The following FRMD1 variants were observed in gnomAD, a reference collection of about 807,000 sequenced individuals.
The protein encoded by FRMD1 is FERM domain containing 1, also known as FERM domain-containing protein 1.
Under a neutral mutation model 54.9 loss-of-function variants are expected in FRMD1, and 51 were observed. That is an observed-to-expected ratio of 0.93 (90% CI 0.74 to 1.17). The LOEUF (loss-of-function observed/expected upper bound fraction) is 1.17. FRMD1 is among the 50% of genes most tolerant of loss of function. The probability of loss-of-function intolerance (pLI) is 0.00; values close to 1 mark genes in which losing one functional copy is unlikely to be tolerated. For missense variants in FRMD1, 729 were observed against 743.0 expected (o/e 0.98, Z 0.22); for synonymous variants, 324 against 306.4 (o/e 1.06, Z -0.60).
intron 2 of FRMD1, among the ~76,000 whole-genome samples, chr6:168,071,660 C>T (rs2114997830): frequency 6.6e-6 from 1 of 152,350 alleles, no homozygotes. Flanking sequence ...AGAAAGGGGA[C>T]ATCATCAAGA....
chr6:168,088,037 C>T (rs534701281), intron 1 of FRMD1, among the ~76,000 whole-genome samples: 4 of 152,268 alleles, frequency 2.6e-5, no homozygotes, highest in Non-Finnish European at 4.4e-5. Context: ...GGACCCTGCC[C>T]CGAAAAGGCT....
intron 8 of FRMD1, 43 bp downstream of exon 8, chr6:168,061,764 C>T: frequency 6.6e-7 from 1 of 1,512,060 alleles, no homozygotes; most frequent in Non-Finnish European, 8.9e-7. Context: ...GCCCAGAAGG[C>T]ACAGTCCGGC....
At chr6:168,077,289 G>T (rs1475575221) in intron 1 of FRMD1, among the ~76,000 whole-genome samples, 1 of 151,486 alleles carries the variant, frequency 6.6e-6, no homozygotes, top group African/African-American at 2.4e-5. Flanking sequence ...GATGGGGGGG[G>T]GTTCTTGTCT....
chr6:168,086,037 C>T (rs978611090), upstream of FRMD1, among the ~76,000 whole-genome samples: 1 of 152,240 alleles, frequency 6.6e-6, no homozygotes, highest in African/African-American at 2.4e-5. Flanking sequence ...AGAGTGGCCC[C>T]GTACCTCCCT....
Position 168,059,174 on chromosome 6 carries a change from G to T in FRMD1, c.1357C>A (p.Pro453Thr). 3 of 1,586,174 alleles carry T rather than the reference G, an allele frequency of 1.9e-6. No homozygotes were observed. The highest frequency in any genetic ancestry group is 2.6e-6 in the Non-Finnish European group (3 of 1,169,820). ...RGDSQATRQEPCTQVRTRGQS... is the reference protein window; with the variant it reads ...RGDSQATRQETCTQVRTRGQS... ...CCTCTGGTCCTGACCTGGGTGCAGGGCTCCTGACGAGTGGCTGTGGGAGGA... is the reference window on the plus strand; with the variant it reads ...CCTCTGGTCCTGACCTGGGTGCAGGTCTCCTGACGAGTGGCTGTGGGAGGA... The change falls in exon 10 of 11, where the codon CCC (proline) becomes ACC (threonine). Residue 453 changes from proline (P) to threonine (T), a missense_variant. Coordinates refer to ENST00000283309, the MANE Select transcript of FRMD1 (RefSeq NM_024919.6). This position sits in a 1 kb window ranked among gnomAD's most constrained non-coding sequence, Gnocchi z 4.4.
At chr6:168,092,780 A>G (rs1801035468) in intron 1 of FRMD1, among the ~76,000 whole-genome samples, 2 of 152,198 alleles carry the variant, frequency 1.3e-5, no homozygotes, top group African/African-American at 4.8e-5. Flanking sequence ...CACTGTCCCA[A>G]TCCAGTCACC....
rs41266307 is a variant in FRMD1 at position 168,056,863 on chromosome 6, G to T, written c.*234C>A. On this transcript the variant is annotated 3_prime_UTR_variant, in exon 11 of 11. Transcript: ENST00000283309. ...TTGAACTGGCTCCCTGAGACCCTGA[G>T]GGAAAGAGCTCCCGGGTGTATGGCA... The T allele has an allele frequency of 9.8e-3, 3,979 of 405,540 alleles. 50 individuals are homozygous for T. The highest frequency in any genetic ancestry group is 0.01 in the Non-Finnish European group (2,373 of 234,818). 25.1% of individuals were successfully genotyped at this position (405,540 alleles called of 1,614,324 possible).
At chr6:168,067,221 G>T in intron 3 of FRMD1, 146 bp downstream of exon 3, 3 of 648,876 alleles carry the variant, frequency 4.6e-6, no homozygotes, top group Non-Finnish European at 8.4e-6. Flanking sequence ...TGTCCACCGT[G>T]GTGCCCTGCT....
upstream of FRMD1, among the ~76,000 whole-genome samples, chr6:168,084,396 A>T (rs1423843855): frequency 6.6e-6 from 1 of 152,238 alleles, no homozygotes; most frequent in Non-Finnish European, 1.5e-5. Context: ...CTGCTGAATT[A>T]AAAAAGCCAT....
intron 2 of FRMD1, among the ~76,000 whole-genome samples, chr6:168,070,393 G>GAGGT (rs1800249964): frequency 6.9e-6 from 1 of 145,378 alleles, no homozygotes; most frequent in Non-Finnish European, 1.5e-5. Context: ...AGGAGGGAGG[G>GAGGT]AGGGAGGGAG....
Position 168,079,146 on chromosome 6 carries a change from A to G in FRMD1, c.-52T>C. On this transcript the variant is annotated 5_prime_UTR_variant, in exon 1 of 11. Coordinates refer to ENST00000283309, the MANE Select transcript of FRMD1 (RefSeq NM_024919.6). The stretch of plus-strand genomic sequence containing the variant: ...CATGGGTCGCAGGTGGGTGCTCAGC[A>G]CCTCCCAGATCACAGCTGTGCTTTC... The G allele has an allele frequency of 6.6e-7, 1 of 1,512,158 alleles. No homozygotes were observed. 93.7% of individuals were successfully genotyped at this position (1,512,158 alleles called of 1,614,324 possible). A position where few individuals can be genotyped will look rare whatever the true frequency, so the allele number is the denominator to read the frequency against.
At chr6:168,072,390 T>C (rs1800352113) in intron 2 of FRMD1, among the ~76,000 whole-genome samples, 1 of 152,220 alleles carries the variant, frequency 6.6e-6, no homozygotes, top group African/African-American at 2.4e-5. Context: ...CTCACACCCG[T>C]GGTCGCCTTG....
chr6:168,067,242 C>A, intron 3 of FRMD1, 125 bp downstream of exon 3: 1 of 690,902 alleles, frequency 1.4e-6, no homozygotes, highest in Non-Finnish European at 2.6e-6. Context: ...CTCTCCCAAC[C>A]CACGCATCCC....
chr6:168,082,309 A>G (rs1024147899), upstream of FRMD1, among the ~76,000 whole-genome samples: 1 of 152,208 alleles, frequency 6.6e-6, no homozygotes, highest in Non-Finnish European at 1.5e-5. Context: ...CAAGCTGCTC[A>G]GTGAGTGGCC....
intron 10 of FRMD1, chr6:168,057,664 C>T: frequency 3.1e-6 from 1 of 322,546 alleles, no homozygotes; most frequent in Non-Finnish European, 5.7e-6. Context: ...GGGCCTTGAA[C>T]ACTAGCTCTG....
At chr6:168,080,426 A>G (rs1475900778), upstream of FRMD1, among the ~76,000 whole-genome samples, 2 of 137,164 alleles carry the variant, frequency 1.5e-5, no homozygotes, top group African/African-American at 2.8e-5. Flanking sequence ...AGCTGAGAGC[A>G]CAAAAAGTTT....
intron 2 of FRMD1, among the ~76,000 whole-genome samples, chr6:168,067,687 T>C (rs962596394): frequency 6.6e-6 from 1 of 152,216 alleles, no homozygotes; most frequent in Non-Finnish European, 1.5e-5. Flanking sequence ...TATTACAAGC[T>C]GATATTCAAA....
rs1799619844 is a variant in FRMD1, at chr6:168,059,793, G to A, written c.1343-605C>T. 6.6e-6 allele frequency among the ~76,000 whole-genome samples: 1 copy of A among 152,062 alleles called. No individual in the cohort carries two copies. The highest frequency in any genetic ancestry group is 2.4e-5 in the African/African-American group (1 of 41,406). ...CTCAGGACAGGGTGCTGCATCCTGG[G>A]CCAGGTGCACACACAGTCCTACACA... is the stretch of plus-strand genomic sequence containing the variant. On this transcript the variant is annotated intron_variant, in intron 9 of 10. Transcript: ENST00000283309. This position sits in a 1 kb window ranked among gnomAD's most constrained non-coding sequence, Gnocchi z 4.4.
At chr6:168,087,167 A>AGC (rs938306754) in intron 1 of FRMD1, among the ~76,000 whole-genome samples, 1 of 151,992 alleles carries the variant, frequency 6.6e-6, no homozygotes, top group Non-Finnish European at 1.5e-5. Flanking sequence ...TCCTGGCTCA[A>AGC]GCGATTCTCC....
Sources: gnomAD v4.1 joint callset for allele counts (sites outside exome capture counted in the v4.1 genomes callset) on GRCh38, gnomAD v4.1.1 for gene constraint, Gnocchi (gnomAD v3.1) non-coding constraint, MANE v1.5 for transcripts, NCBI Gene and HGNC (gene_info 2026-07-23, HGNC 2026-07-21) for gene names.